Variants in CYP3A5 observed in about 807,000 individuals in gnomAD.
The protein encoded by CYP3A5 is cytochrome P450 family 3 subfamily A member 5, also known as cytochrome P450 3A5.
In CYP3A5, 51 loss-of-function variants were observed where a neutral mutation model predicts 55.9. The observed-to-expected ratio is 0.91, with a 90% CI of 0.73 to 1.15. The LOEUF (loss-of-function observed/expected upper bound fraction) is 1.15, where lower values mean the gene tolerates loss of function less well. CYP3A5 is among the 50% of genes most tolerant of loss of function. The pLI is 0.00. For missense variants in CYP3A5, 533 were observed against 596.6 expected, an observed-to-expected ratio of 0.89 and a Z score of 1.11; for synonymous variants, 196 against 213.9, an observed-to-expected ratio of 0.92 and a Z score of 0.73.
intron 1 of CYP3A5, chr7:99,676,593 A>T: frequency 7.4e-7 from 1 of 1,344,880 alleles, no homozygotes; most frequent in Non-Finnish European, 9.9e-7. Context: ...AGAAAGAGTA[A>T]GATTTTTTTT....
chr7:99,673,464 C>T (rs1264989452), intron 3 of CYP3A5, among the ~76,000 whole-genome samples: 2 of 152,214 alleles, frequency 1.3e-5, no homozygotes, highest in Non-Finnish European at 2.9e-5. Flanking sequence ...TTCAGCATCT[C>T]TTCTTCAAAG....
At chr7:99,673,752 T>G (rs2151449093) in intron 3 of CYP3A5, among the ~76,000 whole-genome samples, 1 of 152,244 alleles carries the variant, frequency 6.6e-6, no homozygotes, top group South Asian at 2.1e-4. Context: ...TGAGCACATA[T>G]TAGAAGGGTC....
chr7:99,654,505 A>G (rs1809518527), intron 10 of CYP3A5, among the ~76,000 whole-genome samples: 1 of 152,146 alleles, frequency 6.6e-6, no homozygotes, highest in Non-Finnish European at 1.5e-5. Flanking sequence ...GGTTGGTTCC[A>G]AGTCTTTGCT....
intron 8 of CYP3A5, 134 bp from the exon 9 acceptor site, chr7:99,663,016 C>T: frequency 1.4e-6 from 2 of 1,442,372 alleles, no homozygotes; most frequent in Non-Finnish European, 1.8e-6. Context: ...AGACGTGTTA[C>T]CTGAGTCACC....
Position 99,676,157 on chromosome 7 carries a change from G to C in CYP3A5, c.123C>G (p.Pro41=). 1 of 1,613,814 alleles carries C rather than the reference G, an allele frequency of 6.2e-7. No homozygotes were observed. The highest frequency in any genetic ancestry group is 1.1e-5 in the South Asian group (1 of 91,080). ...GLFKRLGIPG[P]TPLPLLGNVL... is the part of the protein sequence containing the mutation. ...CATTTCCCAACAAAGGCAGAGGTGT[G>C]GGCCCTGGAATTCCCAGTCTCTTAA... Residue 41 remains proline, a synonymous_variant, in exon 2 of 13, where the codon CCC becomes CCG. Transcript: ENST00000222982.
intron 4 of CYP3A5, among the ~76,000 whole-genome samples, chr7:99,667,400 G>A (rs1484538454): frequency 6.6e-6 from 1 of 152,340 alleles, no homozygotes; most frequent in Non-Finnish European, 1.5e-5. Context: ...CCCCAGGAGT[G>A]TGCAGAGTAG....
At chr7:99,669,977 A>G (rs559720608) in intron 4 of CYP3A5, among the ~76,000 whole-genome samples, 2 of 152,316 alleles carry the variant, frequency 1.3e-5, no homozygotes, top group Non-Finnish European at 1.5e-5. Context: ...CATGTGCACA[A>G]GCTTTAAAAG....
At chr7:99,674,484 C>T (rs1310874279) in intron 3 of CYP3A5, 49 bp downstream of exon 3, 2 of 1,496,226 alleles carry the variant, frequency 1.3e-6, no homozygotes, top group East Asian at 2.3e-5. Context: ...AGTGGGGTAA[C>T]CTCCTCACAG....
rs146685897 is a variant in CYP3A5 at position 99,660,652 on chromosome 7, A to G, written c.873T>C (p.Ser291=). 3.7e-6 allele frequency: 6 copies of G among 1,613,734 alleles called. No individual in the cohort carries two copies. The highest frequency in any genetic ancestry group is 5.1e-6 in the Non-Finnish European group (6 of 1,179,828). ...TTGACTGGGCTGCGAGCTCCAGATCAGACAGAGCTGAAAGGAGAGGAAAGA... is the reference window on the plus strand; with the variant it reads ...TTGACTGGGCTGCGAGCTCCAGATCGGACAGAGCTGAAAGGAGAGGAAAGA... ...SKETESHKAL[S]DLELAAQSII... is the part of the protein sequence containing the mutation. The change falls in exon 10 of 13, where the codon TCT becomes TCC. Residue 291 remains serine (S), a synonymous_variant. Transcript: ENST00000222982.
At chr7:99,676,230 A>G (rs1812269152) in intron 1 of CYP3A5, 22 bp from the exon 2 acceptor site, 1 of 1,612,922 alleles carries the variant, frequency 6.2e-7, no homozygotes, top group Non-Finnish European at 8.5e-7. Flanking sequence ...AACAGAAATC[A>G]GGTCACAGGG....
At chr7:99,679,578 C>G (rs28365070) in intron 1 of CYP3A5, among the ~76,000 whole-genome samples, 1 of 152,092 alleles carries the variant, frequency 6.6e-6, no homozygotes, top group African/African-American at 2.4e-5. Flanking sequence ...CAAATCATTC[C>G]CACTACCAAA....
rs1224897337 is a variant in CYP3A5 at position 99,653,521 on chromosome 7, C to T, written c.1027-742G>A. On this transcript the variant is annotated intron_variant, in intron 10 of 12. Transcript: ENST00000222982. This position sits in a 1 kb window ranked among gnomAD's most constrained non-coding sequence, Gnocchi z 4.2. ...AACTTGTTCCTTTCTATCACAAATA[C>T]GACAAAATAAATTTATGATTGGATG... 1.3e-5 allele frequency among the ~76,000 whole-genome samples: 2 copies of T among 151,914 alleles called. No individual in the cohort carries two copies. Among genetic ancestry groups the T allele is most frequent in the African/African-American group, 2.4e-5 (1 of 41,334 alleles).
At chr7:99,650,322 T>C in intron 11 of CYP3A5, 90 bp from the exon 12 acceptor site, 1 of 1,206,196 alleles carries the variant, frequency 8.3e-7, no homozygotes, top group Non-Finnish European at 1.2e-6. Context: ...ACAACCCCCC[T>C]CCACCTCCCA....
rs28383476 is a variant in CYP3A5 at position 99,663,569 on chromosome 7, C to A, written c.798+399G>T. On this transcript the variant is annotated intron_variant, in intron 8 of 12. Transcript: ENST00000222982. The stretch of plus-strand genomic sequence containing the variant: ...GGTAGCCTCATAGGACCTTTAATTG[C>A]AGAATATGTAAAATAAGAGTCTTGG... The A allele has an allele frequency of 7.1e-4, 710 of 993,384 alleles. 4 individuals are homozygous for A. The African/African-American group carries it at 0.012, about 17-fold the overall frequency. 61.5% of individuals were successfully genotyped at this position (993,384 alleles called of 1,614,324 possible).
intron 1 of CYP3A5, among the ~76,000 whole-genome samples, chr7:99,678,537 A>T (rs1262439018): frequency 2.0e-5 from 3 of 152,210 alleles, no homozygotes; most frequent in Non-Finnish European, 4.4e-5. Flanking sequence ...ACATTTGTGC[A>T]TTAGACTCAT....
chr7:99,662,007 T>C lies in CYP3A5; in HGVS notation c.865+809A>G, dbSNP rs981429666. Among the ~76,000 whole-genome samples the C allele has an allele frequency of 2.6e-5, 4 of 152,246 alleles. No homozygotes were observed. Among genetic ancestry groups the C allele is most frequent in the African/African-American group, 9.6e-5 (4 of 41,462 alleles). ...TATGAAACAGTGAAATGATAGACTA[T>C]TTTCTTTATCACAGCAAGTTTTGTT... On this transcript the variant is annotated intron_variant, in intron 9 of 12. Coordinates refer to ENST00000222982, the MANE Select transcript of CYP3A5 (RefSeq NM_000777.5). The surrounding 1 kb of genome is among the most constrained non-coding windows in gnomAD (Gnocchi z 4.3).
chr7:99,677,582 C>G (rs1306247976), intron 1 of CYP3A5, among the ~76,000 whole-genome samples: 1 of 152,170 alleles, frequency 6.6e-6, no homozygotes, highest in Non-Finnish European at 1.5e-5. Context: ...TGTAAACATC[C>G]AGTGACTTAT....
At chr7:99,655,874 T>G (rs1809672939) in intron 10 of CYP3A5, among the ~76,000 whole-genome samples, 1 of 152,214 alleles carries the variant, frequency 6.6e-6, no homozygotes, top group Non-Finnish European at 1.5e-5. Context: ...GATTTGGCTC[T>G]CTGTTTGTCT....
At chr7:99,663,482 C>T (rs547656352) in intron 8 of CYP3A5, 1 of 991,118 alleles carries the variant, frequency 1.0e-6, no homozygotes, top group African/African-American at 1.7e-5. Flanking sequence ...AGAGAAGACC[C>T]CTGTTCACTC....
Sources: allele counts gnomAD v4.1 joint callset (sites outside exome capture counted in the v4.1 genomes callset), GRCh38; gene constraint gnomAD v4.1.1; non-coding constraint Gnocchi (gnomAD v3.1); transcripts MANE v1.5; gene names NCBI Gene and HGNC (gene_info 2026-07-23, HGNC 2026-07-21).